The following HTR1F variants were observed in gnomAD, a reference collection of about 807,000 sequenced individuals.
HTR1F encodes 5-hydroxytryptamine receptor 1F.
A neutral mutation model predicts 24.0 loss-of-function variants in HTR1F; 17 were observed. The ratio of observed to expected loss-of-function variants is 0.71; its 90% CI spans 0.48 to 1.06. The LOEUF is 1.06. HTR1F is among the 50% of genes least tolerant of loss of function. The probability of loss-of-function intolerance (pLI) is 0.00; values close to 1 mark genes in which losing one functional copy is unlikely to be tolerated. For missense variants in HTR1F, 391 were observed against 427.8 expected, an observed-to-expected ratio of 0.91 and a Z score of 0.76; for synonymous variants, 186 against 156.8, an observed-to-expected ratio of 1.19 and a Z score of -1.39.
At chr3:87,898,690 TA>T (rs1287551524) in intron 2 of HTR1F, among the ~76,000 whole-genome samples, 1 of 119,210 alleles carries the variant, frequency 8.4e-6, no homozygotes, top group Non-Finnish European at 1.6e-5. Flanking sequence ...AGCTGACCAA[TA>T]TTTTTTTTCT....
intron 2 of HTR1F, among the ~76,000 whole-genome samples, chr3:87,826,964 C>A (rs1325708668): frequency 1.3e-5 from 2 of 152,108 alleles, no homozygotes; most frequent in East Asian, 1.9e-4. Flanking sequence ...GCATGGGCCA[C>A]CATGCCCGGC....
intron 2 of HTR1F, among the ~76,000 whole-genome samples, chr3:87,832,316 C>CTTT (rs60414125): frequency 6.1e-4 from 76 of 125,500 alleles, no homozygotes; most frequent in Non-Finnish European, 7.4e-4. Context: ...AATATCCCTT[C>CTTT]TTTTTTTTTT....
intron 2 of HTR1F, among the ~76,000 whole-genome samples, chr3:87,905,010 T>G (rs557572294): frequency 6.6e-6 from 1 of 152,010 alleles, no homozygotes. Flanking sequence ...TGTTCTTCAA[T>G]GAAAGTATTT....
chr3:87,811,423 C>T (rs1182889059), intron 1 of HTR1F, among the ~76,000 whole-genome samples: 1 of 151,962 alleles, frequency 6.6e-6, no homozygotes, highest in Non-Finnish European at 1.5e-5. Context: ...AATTAATGGG[C>T]TTTATTTTTA....
chr3:87,847,340 G>A (rs141778415), intron 2 of HTR1F, among the ~76,000 whole-genome samples: 241 of 151,770 alleles, frequency 1.6e-3, no homozygotes, highest in Admixed American at 2.4e-3. Context: ...TCTACAGCTT[G>A]AACTGAAGAC....
intron 2 of HTR1F, among the ~76,000 whole-genome samples, chr3:87,919,610 A>G (rs1489682612): frequency 6.6e-6 from 1 of 152,188 alleles, no homozygotes; most frequent in Admixed American, 6.6e-5. Context: ...CAACAAACAT[A>G]TGAAAAAATG....
At chr3:87,889,892 C>G (rs1706041186) in intron 2 of HTR1F, among the ~76,000 whole-genome samples, 1 of 152,156 alleles carries the variant, frequency 6.6e-6, no homozygotes, top group South Asian at 2.1e-4. Context: ...CACCAGGCAC[C>G]TCCACTGAAA....
chr3:87,857,749 G>C (rs1705227011), intron 2 of HTR1F, among the ~76,000 whole-genome samples: 1 of 152,024 alleles, frequency 6.6e-6, no homozygotes, highest in Non-Finnish European at 1.5e-5. Context: ...TCACTACCCA[G>C]AGTCCATAGT....
chr3:87,938,028 A>T (rs1704470460), intron 2 of HTR1F, among the ~76,000 whole-genome samples: 1 of 152,172 alleles, frequency 6.6e-6, no homozygotes, highest in Non-Finnish European at 1.5e-5. Flanking sequence ...ATGATTCTAT[A>T]TGTAGACAGT....
intron 2 of HTR1F, among the ~76,000 whole-genome samples, chr3:87,851,864 G>A (rs1813449): frequency 3.3e-5 from 5 of 150,202 alleles, no homozygotes; most frequent in Non-Finnish European, 7.4e-5. Flanking sequence ...GTTACATTAG[G>A]ATTAGAAGTA....
chr3:87,846,120 CAT>C (rs1243697920), intron 2 of HTR1F, among the ~76,000 whole-genome samples: 2 of 151,836 alleles, frequency 1.3e-5, no homozygotes, highest in Non-Finnish European at 2.9e-5. Context: ...TAAAAAAACA[CAT>C]AGTTATATAA....
At chr3:87,819,835 A>G (rs1704320587) in intron 1 of HTR1F, among the ~76,000 whole-genome samples, 1 of 152,084 alleles carries the variant, frequency 6.6e-6, no homozygotes, top group South Asian at 2.1e-4. Flanking sequence ...TTAGTTTTTC[A>G]ACCAAAAATT....
chr3:87,913,563 A>C (rs1703826694), intron 2 of HTR1F, among the ~76,000 whole-genome samples: 1 of 152,206 alleles, frequency 6.6e-6, no homozygotes, highest in Non-Finnish European at 1.5e-5. Context: ...CATTTGACCC[A>C]GCAATCCCAT....
At chr3:87,842,722 A>C (rs531180643) in intron 2 of HTR1F, among the ~76,000 whole-genome samples, 1 of 151,996 alleles carries the variant, frequency 6.6e-6, no homozygotes, top group Admixed American at 6.5e-5. Context: ...AAGAGACTAG[A>C]AATCTCTACA....
chr3:87,911,608 T>C (rs1295441556), intron 2 of HTR1F, among the ~76,000 whole-genome samples: 2 of 151,944 alleles, frequency 1.3e-5, no homozygotes, highest in Non-Finnish European at 2.9e-5. Context: ...TACCAAAATG[T>C]GGCAGAGACA....
rs1705851115 is a variant in HTR1F, at chr3:87,992,122, T to C, written c.*272T>C. The C allele has an allele frequency of 4.6e-6, 1 of 218,130 alleles. No individual in the cohort carries two copies. Among genetic ancestry groups the C allele is most frequent in the African/African-American group, 2.3e-5 (1 of 43,192 alleles). 13.5% of individuals were successfully genotyped at this position (218,130 alleles called of 1,614,324 possible). On this transcript the variant is annotated 3_prime_UTR_variant, in exon 3 of 3. Coordinates refer to ENST00000319595, the MANE Select transcript of HTR1F (RefSeq NM_001322209.2). ...CCTAAAAAGCTAACTGGAAAAAATA[T>C]ATATATATACAATAGTAATGACAGT...
chr3:87,864,485 C>T (rs1221578592), intron 2 of HTR1F, among the ~76,000 whole-genome samples: 2 of 152,144 alleles, frequency 1.3e-5, no homozygotes, highest in African/African-American at 2.4e-5. Flanking sequence ...CATTATTCAG[C>T]GACTATGGTT....
At chr3:87,799,551 C>A (rs1032985996) in intron 1 of HTR1F, among the ~76,000 whole-genome samples, 2 of 152,128 alleles carry the variant, frequency 1.3e-5, no homozygotes, top group African/African-American at 4.8e-5. Flanking sequence ...GAGCCCGAGG[C>A]TGATATTCTG....
chr3:87,918,998 A>C (rs1025608263), intron 2 of HTR1F, among the ~76,000 whole-genome samples: 1 of 152,198 alleles, frequency 6.6e-6, no homozygotes, highest in Non-Finnish European at 1.5e-5. Flanking sequence ...GTAGTCACCA[A>C]AACAGCGTGG....
Sources: gnomAD v4.1 joint callset for allele counts (sites outside exome capture counted in the v4.1 genomes callset) on GRCh38, gnomAD v4.1.1 for gene constraint, MANE v1.5 for transcripts, NCBI Gene and HGNC (gene_info 2026-07-23, HGNC 2026-07-21) for gene names.